HHIPL1: variants seen among roughly 807,000 people sequenced by gnomAD.
HHIPL1 encodes the protein HHIP like 1.
In HHIPL1, 43 loss-of-function variants were observed where a neutral mutation model predicts 61.8. That is an observed-to-expected ratio of 0.70 (90% confidence interval 0.55 to 0.90). The LOEUF (loss-of-function observed/expected upper bound fraction) is 0.90. Among genes scored for constraint, HHIPL1 ranks in the 40% least tolerant of loss-of-function variants. HHIPL1 has a pLI of 0.00. For synonymous variants in HHIPL1, 482 were observed against 515.8 expected (o/e 0.93, Z 0.89); for missense variants, 1,056 against 1,157.7 (o/e 0.91, Z 1.28).
At chr14:99,604,881 C>T in the HHIPL1 span, among the ~76,000 whole-genome samples, 1 of 152,074 alleles carries the variant, frequency 6.6e-6, no homozygotes, top group East Asian at 1.9e-4. Context: ...GCTCTTTGTC[C>T]CCTTCCCTGC....
chr14:99,660,510 T>G lies in HHIPL1; in HGVS notation c.1502+104T>G. ...ATGTGTGCGCCCGTTCCTGCACATG[T>G]GCCTCGCTGCTCTGACAGGGGCCCC... On this transcript the variant is annotated intron_variant, in intron 5 of 8. Coordinates refer to ENST00000330710, the MANE Select transcript of HHIPL1 (RefSeq NM_001127258.3). The surrounding 1 kb of genome is among the most constrained non-coding windows in gnomAD (Gnocchi z 4.9). 7.2e-7 allele frequency: 1 copy of G among 1,390,134 alleles called. No individual in the cohort carries two copies. The highest frequency in any genetic ancestry group is 9.9e-7 in the Non-Finnish European group (1 of 1,012,954). The allele number at this position is 1,390,134 out of a possible 1,614,324, so 86.1% of individuals were successfully genotyped here.
chr14:99,613,588 G>A, the HHIPL1 span, among the ~76,000 whole-genome samples: 8 of 152,056 alleles, frequency 5.3e-5, no homozygotes, highest in East Asian at 1.2e-3. Context: ...TGTGAGCCAC[G>A]TTGCCAGGCC....
the HHIPL1 span, among the ~76,000 whole-genome samples, chr14:99,617,719 C>A: frequency 6.6e-6 from 1 of 152,146 alleles, no homozygotes; most frequent in Non-Finnish European, 1.5e-5. Flanking sequence ...CTGATGGAAG[C>A]CCCCAGACCA....
chr14:99,642,669 G>A (rs1431355881), upstream of HHIPL1, among the ~76,000 whole-genome samples: 1 of 151,978 alleles, frequency 6.6e-6, no homozygotes, highest in Non-Finnish European at 1.5e-5. Context: ...GGGACTATAG[G>A]CGCCCATCAC....
chr14:99,610,243 A>G, the HHIPL1 span, among the ~76,000 whole-genome samples: 1 of 152,252 alleles, frequency 6.6e-6, no homozygotes, highest in East Asian at 1.9e-4. Flanking sequence ...CAATGCACTT[A>G]ATATTATTCT....
At chr14:99,613,726 T>G in the HHIPL1 span, among the ~76,000 whole-genome samples, 9 of 151,816 alleles carry the variant, frequency 5.9e-5, no homozygotes, top group Non-Finnish European at 1.2e-4. Context: ...CTGGCCAACA[T>G]GGTAAAATCC....
the HHIPL1 span, among the ~76,000 whole-genome samples, chr14:99,637,246 AAGAAAGAAAGAAAG>A: frequency 2.1e-5 from 3 of 145,288 alleles, no homozygotes; most frequent in Non-Finnish European, 4.6e-5. Context: ...GAAAGAAAGA[AAGAAAGAAAGAAAG>A]AAAGAAAAAG....
the HHIPL1 span, among the ~76,000 whole-genome samples, chr14:99,621,137 C>T: frequency 3.9e-5 from 6 of 152,080 alleles, no homozygotes; most frequent in African/African-American, 1.5e-4. Flanking sequence ...CTTTTTCTGT[C>T]ACCCAGACTG....
At chr14:99,615,854 C>T in the HHIPL1 span, among the ~76,000 whole-genome samples, 2 of 152,282 alleles carry the variant, frequency 1.3e-5, no homozygotes, top group East Asian at 3.9e-4. Context: ...CCCAAGCTCA[C>T]GGATTCCCTT....
the HHIPL1 span, among the ~76,000 whole-genome samples, chr14:99,628,522 A>T: frequency 6.7e-6 from 1 of 149,068 alleles, no homozygotes; most frequent in East Asian, 2.1e-4. Flanking sequence ...CAGAGGTTGC[A>T]GTGAGTTGAG....
chr14:99,636,886 C>A, the HHIPL1 span, among the ~76,000 whole-genome samples: 1 of 149,656 alleles, frequency 6.7e-6, no homozygotes, highest in Non-Finnish European at 1.5e-5. Flanking sequence ...ACTTGGGAGG[C>A]TGAGGCAGGA....
At chr14:99,608,619 G>A in the HHIPL1 span, among the ~76,000 whole-genome samples, 3 of 152,218 alleles carry the variant, frequency 2.0e-5, no homozygotes, top group African/African-American at 7.2e-5. Context: ...GCCAGACTAT[G>A]AGGTATCATC....
chr14:99,669,002 GC>G, intron 7 of HHIPL1: 1 of 1,542,702 alleles, frequency 6.5e-7, no homozygotes. Context: ...CCAGAGCCCT[GC>G]CCTAACCCCT....
At chr14:99,627,458 A>G in the HHIPL1 span, among the ~76,000 whole-genome samples, 1 of 152,110 alleles carries the variant, frequency 6.6e-6, no homozygotes, top group Non-Finnish European at 1.5e-5. The surrounding 1 kb of genome is among the most constrained non-coding windows in gnomAD (Gnocchi z 4.4). Flanking sequence ...CCTTGTCTAC[A>G]TTTCTTCATT....
chr14:99,627,632 C>T, the HHIPL1 span, among the ~76,000 whole-genome samples: 2 of 152,202 alleles, frequency 1.3e-5, no homozygotes, highest in African/African-American at 4.8e-5. This position sits in a 1 kb window ranked among gnomAD's most constrained non-coding sequence, Gnocchi z 4.4. Context: ...AAGGTCAGCC[C>T]AGGAAGCTGG....
At chr14:99,641,235 G>A (rs2055747852), upstream of HHIPL1, among the ~76,000 whole-genome samples, 1 of 151,866 alleles carries the variant, frequency 6.6e-6, no homozygotes, top group South Asian at 2.1e-4. Context: ...CAGATCTGCT[G>A]GTGATGAATT....
chr14:99,661,641 C>G (rs2056155823), intron 5 of HHIPL1, among the ~76,000 whole-genome samples: 3 of 152,026 alleles, frequency 2.0e-5, no homozygotes, highest in Admixed American at 2.0e-4. Flanking sequence ...CTAATTTTTG[C>G]ATTTTTTGTA....
At position 99,659,445 on chromosome 14, in the gene HHIPL1, A is replaced by T; in HGVS notation, c.1064A>T (p.Lys355Met). The change falls in exon 4 of 9, where the codon AAG becomes ATG. Residue 355 changes from lysine to methionine, a missense_variant. Coordinates refer to ENST00000330710, the MANE Select transcript of HHIPL1 (RefSeq NM_001127258.3). Reference sequence around the variant, plus strand: ...GCCCGCAGGTCGGCGCTGCTGGGCAAGGTGCTGCGCATCGACGTGGACCGT... The same window carrying T: ...GCCCGCAGGTCGGCGCTGCTGGGCATGGTGCTGCGCATCGACGTGGACCGT... ...NAQNKSALLG[K>M]VLRIDVDRKE... The T allele has an allele frequency of 6.8e-7, 1 of 1,478,930 alleles. No homozygotes were observed. 91.6% of individuals were successfully genotyped at this position (1,478,930 alleles called of 1,614,324 possible).
At chr14:99,659,898 T>G in intron 4 of HHIPL1, 142 bp downstream of exon 4, 29 of 587,794 alleles carry the variant, frequency 4.9e-5, no homozygotes, top group Non-Finnish European at 6.1e-5. Flanking sequence ...GGCCCCACTC[T>G]ATGGGCTGTG....
Sources: gnomAD v4.1 joint callset for allele counts (sites outside exome capture counted in the v4.1 genomes callset) on GRCh38, gnomAD v4.1.1 for gene constraint, Gnocchi (gnomAD v3.1) non-coding constraint, MANE v1.5 for transcripts, NCBI Gene and HGNC (gene_info 2026-07-23, HGNC 2026-07-21) for gene names.